Variants in IQCJ observed in about 807,000 individuals in gnomAD.
IQCJ encodes IQ domain-containing protein J.
A neutral mutation model predicts 11.0 loss-of-function variants in IQCJ; 9 were observed. The observed-to-expected ratio is 0.82, with a 90% CI of 0.49 to 1.43. The LOEUF (loss-of-function observed/expected upper bound fraction) is 1.43. Ranked by LOEUF, IQCJ falls within the 40% of genes most tolerant of loss-of-function variation. IQCJ has a pLI of 0.00. For missense variants in IQCJ, 146 were observed against 133.2 expected (o/e 1.10, Z -0.47); for synonymous variants, 55 against 51.3 (o/e 1.07, Z -0.31).
intron 1 of IQCJ, among the ~76,000 whole-genome samples, chr3:159,197,697 G>T (rs1724068045): frequency 6.6e-6 from 1 of 152,098 alleles, no homozygotes; most frequent in Non-Finnish European, 1.5e-5. Context: ...AAGTAGGAGA[G>T]TATGGGGATT....
intron 1 of IQCJ, among the ~76,000 whole-genome samples, chr3:159,175,073 G>T (rs768746076): frequency 6.6e-6 from 1 of 152,062 alleles, no homozygotes; most frequent in Non-Finnish European, 1.5e-5. Context: ...AATTTTATCA[G>T]CTTTATTGAG....
At chr3:159,211,682 T>A (rs892683260) in intron 1 of IQCJ, among the ~76,000 whole-genome samples, 1 of 152,226 alleles carries the variant, frequency 6.6e-6, no homozygotes, top group African/African-American at 2.4e-5. Flanking sequence ...TCTGTTTAAA[T>A]GGCAATAAGG....
chr3:159,185,407 C>A (rs968823097), intron 1 of IQCJ, among the ~76,000 whole-genome samples: 1 of 151,990 alleles, frequency 6.6e-6, no homozygotes, highest in Non-Finnish European at 1.5e-5. Flanking sequence ...GGTGGGCAGT[C>A]TAAAAGAAGG....
At chr3:159,150,957 G>A (rs1380794771) in intron 1 of IQCJ, among the ~76,000 whole-genome samples, 2 of 152,192 alleles carry the variant, frequency 1.3e-5, no homozygotes, top group African/African-American at 4.8e-5. Flanking sequence ...CCATCCCCTG[G>A]TCCTGCGTGC....
intron 1 of IQCJ, among the ~76,000 whole-genome samples, chr3:159,228,332 C>T (rs1725980408): frequency 1.3e-5 from 2 of 152,116 alleles, no homozygotes; most frequent in Admixed American, 1.3e-4. Flanking sequence ...TGACATATCT[C>T]GGTTTAGAAT....
chr3:159,215,284 C>T (rs1487004836), intron 1 of IQCJ, among the ~76,000 whole-genome samples: 2 of 152,134 alleles, frequency 1.3e-5, no homozygotes, highest in South Asian at 4.1e-4. Context: ...TTCCTCTTTT[C>T]CTCTTCAGAG....
chr3:159,069,635 A>T (rs2108037315), intron 1 of IQCJ, 194 bp downstream of exon 1: 2 of 705,886 alleles, frequency 2.8e-6, no homozygotes, highest in East Asian at 5.6e-5. Context: ...ATGTGTGCAT[A>T]AATATGTATT....
chr3:159,247,056 G>A (rs1377654400), intron 2 of IQCJ, among the ~76,000 whole-genome samples: 1 of 152,160 alleles, frequency 6.6e-6, no homozygotes, highest in Non-Finnish European at 1.5e-5. Flanking sequence ...GTTAACAAAA[G>A]AAAAGCACAA....
chr3:159,219,850 T>G (rs966047464), intron 1 of IQCJ, among the ~76,000 whole-genome samples: 1 of 152,126 alleles, frequency 6.6e-6, no homozygotes, highest in African/African-American at 2.4e-5. Context: ...CCTGCAGTGC[T>G]CTCTCAGTGT....
At chr3:159,261,126 C>A (rs937514549) in intron 3 of IQCJ, among the ~76,000 whole-genome samples, 59 of 151,938 alleles carry the variant, frequency 3.9e-4, no homozygotes, top group African/African-American at 1.3e-3. Flanking sequence ...ACTATTCCAG[C>A]CAAATGAGAA....
At chr3:159,249,569 GA>G (rs775159681) in intron 2 of IQCJ, among the ~76,000 whole-genome samples, 2 of 152,188 alleles carry the variant, frequency 1.3e-5, no homozygotes, top group Non-Finnish European at 2.9e-5. Flanking sequence ...TGGAATTCTG[GA>G]GATTTTTTTG....
intron 1 of IQCJ, among the ~76,000 whole-genome samples, chr3:159,110,614 C>G (rs1027847443): frequency 6.6e-6 from 1 of 152,150 alleles, no homozygotes; most frequent in Non-Finnish European, 1.5e-5. Context: ...GACCAGTCTC[C>G]TTGTGTAGAC....
chr3:159,162,171 T>G (rs963493010), intron 1 of IQCJ, among the ~76,000 whole-genome samples: 1 of 152,174 alleles, frequency 6.6e-6, no homozygotes, highest in Non-Finnish European at 1.5e-5. Flanking sequence ...GAGCATGGAA[T>G]GTTCTTCCAT....
intron 1 of IQCJ, among the ~76,000 whole-genome samples, chr3:159,161,950 G>C (rs965477970): frequency 6.6e-6 from 1 of 152,142 alleles, no homozygotes; most frequent in Non-Finnish European, 1.5e-5. Context: ...AGTATAGTTC[G>C]AAGTCAGGTA....
intron 1 of IQCJ, among the ~76,000 whole-genome samples, chr3:159,205,621 C>G (rs1181721845): frequency 6.6e-6 from 1 of 152,160 alleles, no homozygotes; most frequent in Non-Finnish European, 1.5e-5. Context: ...AGGGCCTCAG[C>G]CAAATAAAGA....
At chr3:159,138,218 C>G (rs1020744877) in intron 1 of IQCJ, among the ~76,000 whole-genome samples, 1 of 152,154 alleles carries the variant, frequency 6.6e-6, no homozygotes, top group Non-Finnish European at 1.5e-5. Flanking sequence ...TTTCTGCTGA[C>G]CAAACACTAA....
chr3:159,174,940 G>A (rs1211299235), intron 1 of IQCJ, among the ~76,000 whole-genome samples: 1 of 151,956 alleles, frequency 6.6e-6, no homozygotes, highest in Non-Finnish European at 1.5e-5. Context: ...TGTGAACATT[G>A]TCAGCTTTAC....
chr3:159,258,360 T>A (rs1728014872), intron 3 of IQCJ, among the ~76,000 whole-genome samples: 1 of 152,160 alleles, frequency 6.6e-6, no homozygotes, highest in Admixed American at 6.5e-5. Flanking sequence ...CTCTGGCTAG[T>A]CAGCCCGGGG....
intron 1 of IQCJ, among the ~76,000 whole-genome samples, chr3:159,201,909 C>T (rs1724370507): frequency 6.6e-6 from 1 of 152,052 alleles, no homozygotes; most frequent in Admixed American, 6.5e-5. Flanking sequence ...ATAGGACTTG[C>T]CCTCGTGGAG....
Sources: allele counts gnomAD v4.1 joint callset (sites outside exome capture counted in the v4.1 genomes callset), GRCh38; gene constraint gnomAD v4.1.1; transcripts MANE v1.5; gene names NCBI Gene and HGNC (gene_info 2026-07-23, HGNC 2026-07-21).